Variants in DLGAP1 observed in about 807,000 individuals in gnomAD.
The protein encoded by DLGAP1 is DLG associated protein 1.
A neutral mutation model predicts 90.8 loss-of-function variants in DLGAP1; 11 were observed. The observed-to-expected ratio is 0.12, with a 90% CI of 0.08 to 0.20. The LOEUF is 0.20. DLGAP1 is among the 10% of genes least tolerant of loss of function. The pLI is 1.00. For synonymous variants in DLGAP1, 558 were observed against 540.7 expected (o/e 1.03, Z -0.44); for missense variants, 1,050 against 1,333.8 (o/e 0.79, Z 3.31).
intron 7 of DLGAP1, among the ~76,000 whole-genome samples, chr18:3,602,084 G>A (rs1040526444): frequency 3.3e-5 from 5 of 152,114 alleles, no homozygotes; most frequent in Non-Finnish European, 7.4e-5. Context: ...CAGGGTGGCA[G>A]CTCCGTGCTA....
At chr18:4,120,950 C>T (rs1418005940) in intron 2 of DLGAP1, among the ~76,000 whole-genome samples, 1 of 152,178 alleles carries the variant, frequency 6.6e-6, no homozygotes, top group Non-Finnish European at 1.5e-5. Context: ...AGACCCTGTT[C>T]TCAGTACCCA....
chr18:3,633,272 G>A lies in DLGAP1; in HGVS notation c.1592-51024C>T, dbSNP rs140692018. Among the ~76,000 whole-genome samples, 107 of 152,090 alleles carry A rather than the reference G, an allele frequency of 7.0e-4. No individual in the cohort carries two copies. In the East Asian group the frequency reaches 0.019, roughly 27 times the overall value. On this transcript the variant is annotated intron_variant, in intron 7 of 12. Transcript: ENST00000315677. ...AAAAAAATCAGCTGGGCATGGTGGC[G>A]GGCTCCTGTAGTCCCAGCTACTCTG...
chr18:4,138,820 T>C (rs2144286473), intron 2 of DLGAP1, among the ~76,000 whole-genome samples: 1 of 152,176 alleles, frequency 6.6e-6, no homozygotes, highest in African/African-American at 2.4e-5. Flanking sequence ...TCATTAGTTG[T>C]TATTGGTCTG....
At chr18:4,188,049 T>TAGAAATTAATTC (rs1372035389) in intron 1 of DLGAP1, among the ~76,000 whole-genome samples, 1 of 152,080 alleles carries the variant, frequency 6.6e-6, no homozygotes, top group African/African-American at 2.4e-5. Flanking sequence ...TTTAATTTTA[T>TAGAAATTAATTC]TGTTTTAAGA....
intron 10 of DLGAP1, among the ~76,000 whole-genome samples, chr18:3,519,553 G>A (rs1218543837): frequency 6.6e-6 from 1 of 152,214 alleles, no homozygotes; most frequent in Non-Finnish European, 1.5e-5. Flanking sequence ...TGATTTGGAT[G>A]ATAGTGTCTC....
At chr18:4,309,269 C>T (rs530119895) in intron 1 of DLGAP1, among the ~76,000 whole-genome samples, 7 of 152,168 alleles carry the variant, frequency 4.6e-5, no homozygotes, top group Admixed American at 6.5e-5. Flanking sequence ...GCCTTCAAAC[C>T]GCTTGGGGAA....
chr18:3,557,748 G>A (rs2053838283), intron 9 of DLGAP1, among the ~76,000 whole-genome samples: 1 of 152,094 alleles, frequency 6.6e-6, no homozygotes, highest in African/African-American at 2.4e-5. Context: ...CCAACGTGGT[G>A]AAACCCTGTC....
chr18:4,205,366 C>T (rs189399813), intron 1 of DLGAP1, among the ~76,000 whole-genome samples: 147 of 152,158 alleles, frequency 9.7e-4, no homozygotes, highest in African/African-American at 2.8e-3. Context: ...TAGGAGGGGG[C>T]GATGAGAAGC....
chr18:4,320,785 C>T (rs1286913078), intron 1 of DLGAP1, among the ~76,000 whole-genome samples: 1 of 150,156 alleles, frequency 6.7e-6, no homozygotes. Flanking sequence ...AAAAAGAAAA[C>T]CCGTAAGATT....
At chr18:3,501,524 G>A (rs545836699) in intron 12 of DLGAP1, among the ~76,000 whole-genome samples, 2 of 152,294 alleles carry the variant, frequency 1.3e-5, no homozygotes, top group South Asian at 2.1e-4. Flanking sequence ...CTTACAGATG[G>A]TCCCTTGGGA....
intron 1 of DLGAP1, among the ~76,000 whole-genome samples, chr18:4,443,015 G>A (rs774836162): frequency 2.6e-5 from 4 of 152,132 alleles, no homozygotes; most frequent in Admixed American, 6.5e-5. Flanking sequence ...ATTGACAATG[G>A]CCATTCTCCA....
chr18:3,576,171 T>C (rs1173192717), intron 8 of DLGAP1, among the ~76,000 whole-genome samples: 2 of 152,030 alleles, frequency 1.3e-5, no homozygotes, highest in East Asian at 3.9e-4. Flanking sequence ...CAAAGGAAGG[T>C]GGAAGAAGAG....
intron 1 of DLGAP1, among the ~76,000 whole-genome samples, chr18:4,272,682 C>T (rs1030946053): frequency 1.3e-5 from 2 of 152,194 alleles, no homozygotes; most frequent in African/African-American, 4.8e-5. Flanking sequence ...AAAGGATTTC[C>T]TATTGCCCTA....
intron 7 of DLGAP1, among the ~76,000 whole-genome samples, chr18:3,632,110 A>G (rs954741263): frequency 2.6e-5 from 4 of 152,144 alleles, no homozygotes; most frequent in Admixed American, 2.0e-4. Flanking sequence ...TACACTATCA[A>G]TGCCCATGCG....
At chr18:4,417,657 T>C (rs1382075282) in intron 1 of DLGAP1, among the ~76,000 whole-genome samples, 4 of 152,060 alleles carry the variant, frequency 2.6e-5, no homozygotes. Flanking sequence ...TGAAGGGCAA[T>C]TAACACTGCC....
chr18:3,662,492 A>G (rs1013812467), intron 7 of DLGAP1, among the ~76,000 whole-genome samples: 1 of 152,224 alleles, frequency 6.6e-6, no homozygotes, highest in Non-Finnish European at 1.5e-5. Flanking sequence ...GCCCACAAAG[A>G]TTATGAGAGA....
At chr18:4,056,364 G>A (rs2075216867) in intron 2 of DLGAP1, among the ~76,000 whole-genome samples, 2 of 152,194 alleles carry the variant, frequency 1.3e-5, no homozygotes, top group Non-Finnish European at 2.9e-5. Context: ...CTTAGTCACT[G>A]GCCAGAAGCG....
intron 1 of DLGAP1, among the ~76,000 whole-genome samples, chr18:4,438,228 G>T (rs1177594568): frequency 6.6e-6 from 1 of 151,954 alleles, no homozygotes; most frequent in Non-Finnish European, 1.5e-5. Flanking sequence ...CAAACATGGT[G>T]CATGGCGAAT....
At chr18:4,215,577 A>T (rs997979046) in intron 1 of DLGAP1, among the ~76,000 whole-genome samples, 6 of 152,180 alleles carry the variant, frequency 3.9e-5, no homozygotes, top group African/African-American at 1.2e-4. Flanking sequence ...CTGATACTGC[A>T]GTCAGTATTT....
Sources: allele counts gnomAD v4.1 joint callset (sites outside exome capture counted in the v4.1 genomes callset), GRCh38; gene constraint gnomAD v4.1.1; transcripts MANE v1.5; gene names NCBI Gene and HGNC (gene_info 2026-07-23, HGNC 2026-07-21).